Variants in NRXN3 observed in about 807,000 individuals in gnomAD.
NRXN3 encodes the protein neurexin 3, also known as neurexin III.
A neutral mutation model predicts 137.6 loss-of-function variants in NRXN3; 32 were observed. The ratio of observed to expected loss-of-function variants is 0.23; its 90% CI spans 0.18 to 0.31. The LOEUF (loss-of-function observed/expected upper bound fraction) is 0.31, where lower values mean the gene tolerates loss of function less well. Among genes scored for constraint, NRXN3 ranks in the 10% least tolerant of loss-of-function variants. The pLI, the probability that NRXN3 is intolerant of heterozygous loss-of-function variation, is 1.00. For missense variants in NRXN3, 1,574 were observed against 2,062.5 expected, an observed-to-expected ratio of 0.76 and a Z score of 4.59; for synonymous variants, 798 against 784.5, an observed-to-expected ratio of 1.02 and a Z score of -0.29.
At chr14:78,845,538 C>T (rs2099024158) in intron 10 of NRXN3, among the ~76,000 whole-genome samples, 1 of 152,000 alleles carries the variant, frequency 6.6e-6, no homozygotes, top group Non-Finnish European at 1.5e-5. Context: ...CCACTGACTT[C>T]TGCTCCTCCT....
At chr14:78,491,957 C>A (rs1483375282) in intron 4 of NRXN3, among the ~76,000 whole-genome samples, 1 of 152,114 alleles carries the variant, frequency 6.6e-6, no homozygotes, top group East Asian at 1.9e-4. Context: ...CGTTTGGGAC[C>A]AGGAAGGTGC....
In NRXN3 at chr14:78,367,052, A is replaced by T. The variant is rs149353859; in HGVS notation, c.757+69192A>T. Among the ~76,000 whole-genome samples the T allele has an allele frequency of 9.9e-4, 151 of 152,228 alleles. 1 individual carries two copies. The highest frequency in any genetic ancestry group is 3.5e-3 in the African/African-American group (147 of 41,528). On this transcript the variant is annotated intron_variant, in intron 4 of 20. Transcript: ENST00000335750. Reference sequence around the variant, plus strand: ...AATCAATCCAATAGACTCATTGCCCACTCTCTGATTCTCATTCCTGATGCT... The same window carrying T: ...AATCAATCCAATAGACTCATTGCCCTCTCTCTGATTCTCATTCCTGATGCT...
chr14:78,712,738 T>G (rs1476379731), intron 7 of NRXN3, among the ~76,000 whole-genome samples: 2 of 152,130 alleles, frequency 1.3e-5, no homozygotes, highest in Non-Finnish European at 2.9e-5. Flanking sequence ...AATTTTTGTA[T>G]TTTTAGTAAA....
intron 4 of NRXN3, among the ~76,000 whole-genome samples, chr14:78,617,136 T>A (rs1483056216): frequency 6.6e-6 from 1 of 152,208 alleles, no homozygotes; most frequent in Non-Finnish European, 1.5e-5. Flanking sequence ...ATATATTTTT[T>A]TTCCTGAAGA....
chr14:79,471,659 A>G (rs547314669), intron 16 of NRXN3, among the ~76,000 whole-genome samples: 28 of 152,320 alleles, frequency 1.8e-4, no homozygotes, highest in Non-Finnish European at 3.1e-4. Flanking sequence ...AGAGTTGGAC[A>G]GAAAGGAAGA....
At chr14:78,701,811 G>A (rs1325665753) in intron 6 of NRXN3, among the ~76,000 whole-genome samples, 2 of 152,124 alleles carry the variant, frequency 1.3e-5, no homozygotes, top group Non-Finnish European at 2.9e-5. Flanking sequence ...ACATTTTCTG[G>A]CTCCTGCCTT....
chr14:78,841,797 G>A (rs1389000325), intron 10 of NRXN3, among the ~76,000 whole-genome samples: 1 of 152,010 alleles, frequency 6.6e-6, no homozygotes, highest in African/African-American at 2.4e-5. Flanking sequence ...CCTCTGCCTT[G>A]ATTACCTCTC....
intron 8 of NRXN3, among the ~76,000 whole-genome samples, chr14:78,760,114 T>C (rs2098687347): frequency 2.1e-5 from 3 of 141,526 alleles, no homozygotes; most frequent in Non-Finnish European, 4.5e-5. Context: ...CAATCTTGGC[T>C]CACTGCAACA....
At chr14:78,557,478 C>T (rs1343292201) in intron 4 of NRXN3, among the ~76,000 whole-genome samples, 1 of 152,158 alleles carries the variant, frequency 6.6e-6, no homozygotes, top group Non-Finnish European at 1.5e-5. Context: ...GAACAATTCA[C>T]TCAACTGCTC....
chr14:78,338,868 AT>A (rs1474421962), intron 4 of NRXN3, among the ~76,000 whole-genome samples: 1 of 152,162 alleles, frequency 6.6e-6, no homozygotes, highest in East Asian at 1.9e-4. Context: ...CATTCACCTT[AT>A]TTAGAAATGA....
intron 15 of NRXN3, among the ~76,000 whole-genome samples, chr14:79,213,616 C>A (rs972016445): frequency 6.8e-6 from 1 of 147,866 alleles, no homozygotes; most frequent in Admixed American, 6.8e-5. Context: ...TCCTCTCACC[C>A]TTTTTTTTTG....
intron 16 of NRXN3, among the ~76,000 whole-genome samples, chr14:79,641,763 A>T (rs1035596325): frequency 7.4e-6 from 1 of 135,560 alleles, no homozygotes; most frequent in African/African-American, 2.4e-5. Flanking sequence ...AGTAGTCCAG[A>T]CAGAAACAGT....
chr14:78,712,554 T>C (rs2098414257), intron 7 of NRXN3, among the ~76,000 whole-genome samples: 2 of 152,300 alleles, frequency 1.3e-5, no homozygotes, highest in South Asian at 2.1e-4. Flanking sequence ...GTTTTTAACT[T>C]TAGTTAATTA....
At chr14:78,786,783 A>G (rs1001585887) in intron 8 of NRXN3, among the ~76,000 whole-genome samples, 5 of 152,184 alleles carry the variant, frequency 3.3e-5, no homozygotes, top group Non-Finnish European at 5.9e-5. Context: ...CTGTTTCACA[A>G]CATTGTTGAT....
At chr14:79,041,903 C>A (rs937175152) in intron 15 of NRXN3, among the ~76,000 whole-genome samples, 1 of 151,858 alleles carries the variant, frequency 6.6e-6, no homozygotes, top group East Asian at 1.9e-4. Flanking sequence ...TAAGTACATA[C>A]TTAAAGAGAA....
At chr14:78,766,426 A>G (rs1276898556) in intron 8 of NRXN3, among the ~76,000 whole-genome samples, 2 of 152,212 alleles carry the variant, frequency 1.3e-5, no homozygotes, top group African/African-American at 2.4e-5. Flanking sequence ...TTGCCTTTAG[A>G]GTCCTTAAAA....
In NRXN3 at chr14:79,827,212, A is replaced by G. The variant is rs1182192567; in HGVS notation, c.4093+22022A>G. 2.0e-5 allele frequency among the ~76,000 whole-genome samples: 3 copies of G among 152,190 alleles called. No homozygotes were observed. The East Asian group carries it at 5.8e-4, about 29-fold the overall frequency. On this transcript the variant is annotated intron_variant, in intron 20 of 20. Coordinates refer to ENST00000335750, the MANE Select transcript of NRXN3 (RefSeq NM_001330195.2). ...CTATGAAGCAAAGGCACTTGGTGCC[A>G]TGAGCATACCATGGTAGGACAGGTA...
chr14:79,423,485 TAGA>T (rs765382328), intron 15 of NRXN3, among the ~76,000 whole-genome samples: 27 of 152,226 alleles, frequency 1.8e-4, no homozygotes, highest in Non-Finnish European at 3.4e-4. Context: ...TTCAAATGAC[TAGA>T]AGAAGACTAG....
At chr14:78,814,261 C>G (rs2098924367) in intron 10 of NRXN3, among the ~76,000 whole-genome samples, 1 of 152,144 alleles carries the variant, frequency 6.6e-6, no homozygotes, top group Admixed American at 6.5e-5. Flanking sequence ...TGCAAAAGAA[C>G]AACAGAGTTG....
Sources: allele counts gnomAD v4.1 joint callset (sites outside exome capture counted in the v4.1 genomes callset), GRCh38; gene constraint gnomAD v4.1.1; transcripts MANE v1.5; gene names NCBI Gene and HGNC (gene_info 2026-07-23, HGNC 2026-07-21).